Variants in PARG observed in about 807,000 individuals in gnomAD.
PARG encodes the protein mitochondrial poly(ADP-ribose) glycohydrolase.
In PARG, 35 loss-of-function variants were observed where a neutral mutation model predicts 113.0. That is an observed-to-expected ratio of 0.31 (90% CI 0.24 to 0.41). The LOEUF is 0.41. Ranked by LOEUF, PARG falls within the 10% of genes least tolerant of loss-of-function variation. The probability of loss-of-function intolerance (pLI) is 1.00; values close to 1 mark genes in which losing one functional copy is unlikely to be tolerated. For synonymous variants in PARG, 330 were observed against 409.9 expected, an observed-to-expected ratio of 0.81 and a Z score of 2.36; for missense variants, 797 against 1,169.4, an observed-to-expected ratio of 0.68 and a Z score of 4.64.
At chr10:49,822,345 G>T (rs1554828806) in intron 16 of PARG, among the ~76,000 whole-genome samples, 3 of 152,094 alleles carry the variant, frequency 2.0e-5, no homozygotes, top group African/African-American at 7.2e-5. Flanking sequence ...CCAAATCTTG[G>T]TCTCTACCAT....
intron 12 of PARG, among the ~76,000 whole-genome samples, chr10:49,859,821 CAA>C (rs1846172054): frequency 6.6e-6 from 1 of 152,102 alleles, no homozygotes; most frequent in Non-Finnish European, 1.5e-5. Flanking sequence ...TTTAGAAAAC[CAA>C]AGTTTTACTA....
chr10:49,849,690 C>T (rs554216175), intron 13 of PARG, among the ~76,000 whole-genome samples: 37 of 152,284 alleles, frequency 2.4e-4, no homozygotes, highest in African/African-American at 8.7e-4. Flanking sequence ...GACTCCCTCA[C>T]TAGACTCTCA....
chr10:49,852,042 A>G (rs1554834279), intron 13 of PARG, among the ~76,000 whole-genome samples: 1 of 152,122 alleles, frequency 6.6e-6, no homozygotes, highest in Non-Finnish European at 1.5e-5. Flanking sequence ...CTACAGATTC[A>G]GGCAGCACAG....
chr10:49,837,177 G>A (rs1284505390), intron 15 of PARG, among the ~76,000 whole-genome samples: 2 of 152,030 alleles, frequency 1.3e-5, no homozygotes, highest in East Asian at 3.9e-4. Context: ...GACCGGTGGA[G>A]CCTGGATGGA....
intron 15 of PARG, among the ~76,000 whole-genome samples, chr10:49,836,600 C>A (rs1844947988): frequency 6.6e-6 from 1 of 151,966 alleles, no homozygotes; most frequent in South Asian, 2.1e-4. Context: ...TATTGGGAAA[C>A]TTAAGGGAAA....
intron 16 of PARG, among the ~76,000 whole-genome samples, chr10:49,830,229 C>T (rs1313496909): frequency 2.0e-5 from 3 of 152,222 alleles, no homozygotes; most frequent in Admixed American, 1.3e-4. Flanking sequence ...CCACGGCTTA[C>T]AGCAGACCTA....
At chr10:49,926,906 GCAAA>G (rs1838195488) in intron 4 of PARG, among the ~76,000 whole-genome samples, 1 of 152,168 alleles carries the variant, frequency 6.6e-6, no homozygotes, top group Admixed American at 6.5e-5. Context: ...TTGGTGCCCT[GCAAA>G]CAAACACCCC....
At chr10:49,896,280 G>GTTGTT (rs1212281354) in intron 7 of PARG, among the ~76,000 whole-genome samples, 1 of 152,034 alleles carries the variant, frequency 6.6e-6, no homozygotes, top group Non-Finnish European at 1.5e-5. Context: ...TTTTGTTATT[G>GTTGTT]TTGTTTTGTT....
intron 13 of PARG, among the ~76,000 whole-genome samples, chr10:49,852,707 G>A (rs1277518295): frequency 6.6e-6 from 1 of 150,932 alleles, no homozygotes; most frequent in Non-Finnish European, 1.5e-5. Context: ...TGGGACTACG[G>A]GCACACACCA....
intron 15 of PARG, among the ~76,000 whole-genome samples, chr10:49,837,417 C>CAG (rs1564602210): frequency 6.8e-6 from 1 of 146,614 alleles, no homozygotes; most frequent in Non-Finnish European, 1.5e-5. Context: ...CACACACACA[C>CAG]AAGCAGAATT....
At chr10:49,934,286 T>C in intron 2 of PARG, 123 bp from the exon 3 acceptor site, 1 of 621,088 alleles carries the variant, frequency 1.6e-6, no homozygotes, top group East Asian at 2.7e-5. Context: ...ACAGCATGTC[T>C]TCTATGACTC....
intron 7 of PARG, among the ~76,000 whole-genome samples, chr10:49,914,991 T>A (rs1837389292): frequency 6.6e-6 from 1 of 152,134 alleles, no homozygotes; most frequent in Admixed American, 6.5e-5. Context: ...TTACATCATA[T>A]ACAAAAATTA....
At chr10:49,829,214 C>T (rs782594116) in intron 16 of PARG, among the ~76,000 whole-genome samples, 10 of 151,706 alleles carry the variant, frequency 6.6e-5, no homozygotes, top group South Asian at 4.2e-4. Context: ...CCAGCCTGGG[C>T]GACAGTGCAA....
At chr10:49,833,849 T>C (rs576964495) in intron 15 of PARG, among the ~76,000 whole-genome samples, 1 of 152,214 alleles carries the variant, frequency 6.6e-6, no homozygotes, top group South Asian at 2.1e-4. Flanking sequence ...GCAAATACAA[T>C]TAAAAGAATG....
intron 13 of PARG, among the ~76,000 whole-genome samples, chr10:49,853,442 GTGCTGGT>G (rs1845849839): frequency 1.3e-5 from 2 of 151,888 alleles, no homozygotes; most frequent in African/African-American, 4.8e-5. Flanking sequence ...AATAGCCAAA[GTGCTGGT>G]TGCTCAACAA....
chr10:49,920,148 G>A (rs1306008198), intron 6 of PARG, among the ~76,000 whole-genome samples: 2 of 151,938 alleles, frequency 1.3e-5, no homozygotes, highest in African/African-American at 4.8e-5. Context: ...ACAGGTATAA[G>A]GAGTTAGCTG....
rs1192009378 is a variant in PARG, at chr10:49,880,712, G to A, written c.1831-882C>T. 6.6e-5 allele frequency among the ~76,000 whole-genome samples: 10 copies of A among 152,118 alleles called. No homozygotes were observed. The East Asian group carries it at 1.9e-3, about 29-fold the overall frequency. On this transcript the variant is annotated intron_variant, in intron 8 of 17. Transcript: ENST00000616448. ...ATGATAGGAAGTGTGGGTCTGACAC[G>A]CCTCATTATATGCTCCTCACTTTAG...
intron 13 of PARG, among the ~76,000 whole-genome samples, chr10:49,856,179 AT>A (rs1256722490): frequency 1.3e-5 from 2 of 149,120 alleles, no homozygotes; most frequent in African/African-American, 4.9e-5. Context: ...CACCAAGATA[AT>A]CAGACTTTTT....
chr10:49,839,735 G>GA (rs1388466812), intron 15 of PARG, among the ~76,000 whole-genome samples: 1 of 152,234 alleles, frequency 6.6e-6, no homozygotes, highest in Non-Finnish European at 1.5e-5. Flanking sequence ...TTCTAAAAGT[G>GA]AATGATCTAG....
Sources: allele counts gnomAD v4.1 joint callset (sites outside exome capture counted in the v4.1 genomes callset), GRCh38; gene constraint gnomAD v4.1.1; transcripts MANE v1.5; gene names NCBI Gene and HGNC (gene_info 2026-07-23, HGNC 2026-07-21).